The following ZBTB20 variants were observed in gnomAD, a reference collection of about 807,000 sequenced individuals.
ZBTB20 encodes the protein zinc finger and BTB domain-containing protein 20.
In ZBTB20, 9 loss-of-function variants were observed where a neutral mutation model predicts 56.9. The observed-to-expected ratio is 0.16, with a 90% CI of 0.10 to 0.28. The LOEUF (loss-of-function observed/expected upper bound fraction) is 0.28, where lower values mean the gene tolerates loss of function less well. ZBTB20 is among the 10% of genes least tolerant of loss of function. The pLI is 1.00. For synonymous variants in ZBTB20, 417 were observed against 420.7 expected, an observed-to-expected ratio of 0.99 and a Z score of 0.11; for missense variants, 655 against 1,003.0, an observed-to-expected ratio of 0.65 and a Z score of 4.69.
At chr3:114,889,042 A>T (rs1209333847) in intron 4 of ZBTB20, among the ~76,000 whole-genome samples, 1 of 152,098 alleles carries the variant, frequency 6.6e-6, no homozygotes, top group East Asian at 1.9e-4. Flanking sequence ...AAGTTTAAAT[A>T]CTTTTAAAAA....
intron 2 of ZBTB20, among the ~76,000 whole-genome samples, chr3:114,999,269 G>C (rs967452081): frequency 2.2e-5 from 3 of 135,412 alleles, no homozygotes; most frequent in African/African-American, 8.2e-5. Flanking sequence ...GAAAGGAGGA[G>C]GGAAATGAAA....
At chr3:114,509,339 G>T (rs1325277873) in intron 6 of ZBTB20, among the ~76,000 whole-genome samples, 3 of 151,306 alleles carry the variant, frequency 2.0e-5, no homozygotes, top group Non-Finnish European at 4.4e-5. Context: ...AGGGGAATTT[G>T]CATTTTCTTA....
Position 114,451,621 on chromosome 3 carries a change from C to T in ZBTB20, c.-255+48731G>A, listed in dbSNP as rs565565744. On this transcript the variant is annotated intron_variant, in intron 7 of 11. Coordinates refer to ENST00000675478, the MANE Select transcript of ZBTB20 (RefSeq NM_001348800.3). ...ACACACGCTATGACACACACAGATA[C>T]GCAAAACTAGTGGGTGAGGGGAGAA... Among the ~76,000 whole-genome samples the T allele has an allele frequency of 5.5e-4, 84 of 151,924 alleles. 1 individual carries two copies. Among genetic ancestry groups the T allele is most frequent in the Non-Finnish European group, 9.9e-4 (67 of 67,968 alleles).
chr3:115,086,997 A>C (rs1258988349), intron 1 of ZBTB20, among the ~76,000 whole-genome samples: 4 of 151,832 alleles, frequency 2.6e-5, no homozygotes, highest in African/African-American at 9.7e-5. Context: ...GATCCAAAAC[A>C]TATTCACAAC....
Position 114,314,797 on chromosome 3 carries a change from T to C in ZBTB20, c.*24208A>G, listed in dbSNP as rs1415428195. The C allele has an allele frequency of 6.6e-6, 1 of 151,912 alleles. No homozygotes were observed. The highest frequency in any genetic ancestry group is 1.5e-5 in the Non-Finnish European group (1 of 67,954). 9.4% of individuals were successfully genotyped at this position (151,912 alleles called of 1,614,324 possible). A position where few individuals can be genotyped will look rare whatever the true frequency, so the allele number is the denominator to read the frequency against. On this transcript the variant is annotated 3_prime_UTR_variant, in exon 12 of 12. Transcript: ENST00000675478. ...CAAAATGTCACAATAATAATAATAA[T>C]ATAATAGTATAATGAAGCGCTACAG...
chr3:114,405,489 G>A (rs1336951720), intron 7 of ZBTB20, among the ~76,000 whole-genome samples: 1 of 152,096 alleles, frequency 6.6e-6, no homozygotes, highest in East Asian at 1.9e-4. Flanking sequence ...TAAGGGATGG[G>A]CCATGATATA....
intron 2 of ZBTB20, among the ~76,000 whole-genome samples, chr3:114,989,715 T>C (rs1299683960): frequency 6.6e-6 from 1 of 152,204 alleles, no homozygotes; most frequent in Non-Finnish European, 1.5e-5. Context: ...TTCATGATAT[T>C]GATTCTTCCT....
At chr3:114,700,243 CT>C in intron 5 of ZBTB20, among the ~76,000 whole-genome samples, 1 of 151,920 alleles carries the variant, frequency 6.6e-6, no homozygotes, top group Non-Finnish European at 1.5e-5. Context: ...TTTTATCAAA[CT>C]TTTATTTATT....
At chr3:114,561,546 A>G (rs2052052907) in intron 6 of ZBTB20, among the ~76,000 whole-genome samples, 1 of 152,186 alleles carries the variant, frequency 6.6e-6, no homozygotes, top group South Asian at 2.1e-4. Flanking sequence ...TTCGGTGACC[A>G]GGTATTGTCA....
At chr3:114,564,221 C>T (rs1034205234) in intron 6 of ZBTB20, among the ~76,000 whole-genome samples, 1 of 152,076 alleles carries the variant, frequency 6.6e-6, no homozygotes, top group Non-Finnish European at 1.5e-5. Flanking sequence ...CATATTAGGC[C>T]TAACCAGATA....
At chr3:114,774,054 T>C (rs967855901) in intron 5 of ZBTB20, among the ~76,000 whole-genome samples, 2 of 152,188 alleles carry the variant, frequency 1.3e-5, no homozygotes, top group Non-Finnish European at 2.9e-5. Flanking sequence ...AAGTTAACCT[T>C]TGAAAATTTA....
At chr3:115,123,197 T>G (rs2084231773) in intron 1 of ZBTB20, among the ~76,000 whole-genome samples, 2 of 152,148 alleles carry the variant, frequency 1.3e-5, no homozygotes, top group South Asian at 4.1e-4. Flanking sequence ...AGGACTCTCA[T>G]TAAACATTAG....
At chr3:114,500,078 G>C (rs2043770539) in intron 7 of ZBTB20, among the ~76,000 whole-genome samples, 1 of 152,186 alleles carries the variant, frequency 6.6e-6, no homozygotes, top group Non-Finnish European at 1.5e-5. Context: ...TACTTTAAAA[G>C]AGCAGTGACT....
At chr3:114,843,570 T>G (rs2074492611) in intron 4 of ZBTB20, among the ~76,000 whole-genome samples, 1 of 152,212 alleles carries the variant, frequency 6.6e-6, no homozygotes, top group Non-Finnish European at 1.5e-5. Context: ...TGTTTCACTA[T>G]GTTGCCCAGG....
chr3:114,934,806 T>G (rs1282741995), intron 3 of ZBTB20, among the ~76,000 whole-genome samples: 1 of 152,226 alleles, frequency 6.6e-6, no homozygotes, highest in Non-Finnish European at 1.5e-5. Flanking sequence ...TATGACAAAA[T>G]AGGCTTCCAT....
At chr3:115,103,408 G>A (rs1251643076) in intron 1 of ZBTB20, among the ~76,000 whole-genome samples, 1 of 152,150 alleles carries the variant, frequency 6.6e-6, no homozygotes, top group African/African-American at 2.4e-5. Flanking sequence ...TATTGAAAGA[G>A]AAGAACAAAG....
chr3:114,969,929 G>C (rs1358494894), intron 3 of ZBTB20, among the ~76,000 whole-genome samples: 1 of 152,160 alleles, frequency 6.6e-6, no homozygotes, highest in African/African-American at 2.4e-5. Flanking sequence ...AATGTTACCA[G>C]TACAAATGAG....
At chr3:115,048,653 C>T (rs922595611) in intron 2 of ZBTB20, among the ~76,000 whole-genome samples, 4 of 152,162 alleles carry the variant, frequency 2.6e-5, no homozygotes, top group Admixed American at 6.5e-5. Context: ...AATCGCTACT[C>T]TCACAAAGTT....
At chr3:115,075,418 G>C (rs574003760) in intron 1 of ZBTB20, among the ~76,000 whole-genome samples, 2 of 152,232 alleles carry the variant, frequency 1.3e-5, no homozygotes, top group Admixed American at 1.3e-4. Flanking sequence ...AATTAGCACA[G>C]TGTCCTCAAG....
Sources: allele counts gnomAD v4.1 joint callset (sites outside exome capture counted in the v4.1 genomes callset), GRCh38; gene constraint gnomAD v4.1.1; transcripts MANE v1.5; gene names NCBI Gene and HGNC (gene_info 2026-07-23, HGNC 2026-07-21).